The following AK5 variants were observed in gnomAD, a reference collection of about 807,000 sequenced individuals.
AK5 encodes the protein adenylate kinase 5, also known as adenylate kinase isoenzyme 5.
In AK5, 27 loss-of-function variants were observed where a neutral mutation model predicts 69.5. The ratio of observed to expected loss-of-function variants is 0.39; its 90% CI spans 0.29 to 0.54. The LOEUF (loss-of-function observed/expected upper bound fraction) is 0.54, where lower values mean the gene tolerates loss of function less well. Among genes scored for constraint, AK5 ranks in the 20% least tolerant of loss-of-function variants. The pLI, the probability that AK5 is intolerant of heterozygous loss-of-function variation, is 0.71. For synonymous variants in AK5, 260 were observed against 244.4 expected (o/e 1.06, Z -0.60); for missense variants, 531 against 700.4 (o/e 0.76, Z 2.73).
intron 10 of AK5, among the ~76,000 whole-genome samples, chr1:77,492,533 A>G (rs919111172): frequency 3.3e-5 from 5 of 152,208 alleles, no homozygotes; most frequent in Non-Finnish European, 5.9e-5. Flanking sequence ...GAGCACATAC[A>G]TAGGACAGAG....
chr1:77,456,773 T>TTCTCACCTGCCCC (rs1653510389), intron 8 of AK5, among the ~76,000 whole-genome samples: 1 of 152,186 alleles, frequency 6.6e-6, no homozygotes. Flanking sequence ...AAGCCTGCTC[T>TTCTCACCTGCCCC]TCTCACCTGC....
intron 11 of AK5, 130 bp from the exon 12 acceptor site, chr1:77,521,697 T>C: frequency 1.6e-6 from 1 of 627,952 alleles, no homozygotes; most frequent in Non-Finnish European, 2.9e-6. Flanking sequence ...TGAAATATGG[T>C]CAATTGCTGT....
At chr1:77,376,865 T>C (rs1570467831) in intron 6 of AK5, among the ~76,000 whole-genome samples, 1 of 152,222 alleles carries the variant, frequency 6.6e-6, no homozygotes, top group Admixed American at 6.5e-5. Context: ...GAGGCTGCAG[T>C]GAGCCAAGAT....
intron 5 of AK5, among the ~76,000 whole-genome samples, chr1:77,329,594 T>C (rs1246606774): frequency 6.6e-6 from 1 of 152,218 alleles, no homozygotes; most frequent in African/African-American, 2.4e-5. Context: ...TTCTAGAGGA[T>C]GCCTGAACAA....
At chr1:77,367,006 G>C (rs1646961996) in intron 6 of AK5, among the ~76,000 whole-genome samples, 1 of 152,036 alleles carries the variant, frequency 6.6e-6, no homozygotes, top group Non-Finnish European at 1.5e-5. Flanking sequence ...AAATGCCAAG[G>C]CTCTGAAGCT....
intron 8 of AK5, among the ~76,000 whole-genome samples, chr1:77,450,504 T>C (rs901388290): frequency 6.6e-6 from 1 of 152,184 alleles, no homozygotes; most frequent in Admixed American, 6.5e-5. Flanking sequence ...ATTAAGTGCC[T>C]ATCCTGTGCC....
intron 8 of AK5, among the ~76,000 whole-genome samples, chr1:77,438,313 A>G (rs868762052): frequency 2.4e-4 from 35 of 146,618 alleles, no homozygotes; most frequent in Non-Finnish European, 3.9e-4. Flanking sequence ...AAAAAAAAAA[A>G]AAAAAAAAAA....
chr1:77,283,344 T>C, intron 1 of AK5: 2 of 985,436 alleles, frequency 2.0e-6, no homozygotes, highest in Non-Finnish European at 1.2e-6. Context: ...AAGCGAGCTC[T>C]GAAAGGAGAA....
At chr1:77,298,206 T>C (rs1276057210) in intron 5 of AK5, among the ~76,000 whole-genome samples, 1 of 152,068 alleles carries the variant, frequency 6.6e-6, no homozygotes, top group Non-Finnish European at 1.5e-5. Flanking sequence ...CTAAAATTTA[T>C]TTCAAAATAC....
chr1:77,318,412 T>C (rs545337731), intron 5 of AK5, among the ~76,000 whole-genome samples: 5 of 152,240 alleles, frequency 3.3e-5, no homozygotes, highest in Admixed American at 6.5e-5. Context: ...TTCTCCAACA[T>C]TGGAGATTAA....
At chr1:77,353,392 C>T (rs886282438) in intron 6 of AK5, among the ~76,000 whole-genome samples, 10 of 152,120 alleles carry the variant, frequency 6.6e-5, no homozygotes, top group African/African-American at 2.2e-4. Flanking sequence ...GCAGGAGAAT[C>T]GCTTGAACCC....
rs1557532470 is a variant in AK5 at position 77,367,556 on chromosome 1, T to TATATATATG, written c.891+26988_891+26989insATATATATG. On this transcript the variant is annotated intron_variant, in intron 6 of 13. Coordinates refer to ENST00000354567, the MANE Select transcript of AK5 (RefSeq NM_174858.3). ...GTTGCCCAGACTCATTTATGTTATT[T>TATATATATG]TTATATATATATATATATATATAAT... Among the ~76,000 whole-genome samples the TATATATATG allele has an allele frequency of 1.2e-3, 32 of 26,790 alleles. 8 individuals carry two copies. Among genetic ancestry groups the TATATATATG allele is most frequent in the Non-Finnish European group, 2.3e-3 (31 of 13,492 alleles). 17.6% of individuals were successfully genotyped at this position (26,790 alleles called of 152,430 possible). A position where few individuals can be genotyped will look rare whatever the true frequency, so the allele number is the denominator to read the frequency against.
intron 8 of AK5, among the ~76,000 whole-genome samples, chr1:77,418,210 G>A (rs192066083): frequency 9.2e-5 from 14 of 152,302 alleles, no homozygotes; most frequent in Admixed American, 8.5e-4. Context: ...AATCATGGCA[G>A]AAGACAAGGA....
intron 5 of AK5, among the ~76,000 whole-genome samples, chr1:77,320,966 A>G (rs1660499184): frequency 6.6e-6 from 1 of 152,240 alleles, no homozygotes; most frequent in Non-Finnish European, 1.5e-5. Context: ...GAAATAAAGG[A>G]AGAAATAGAC....
At chr1:77,551,331 T>G (rs1659813376) in intron 13 of AK5, among the ~76,000 whole-genome samples, 1 of 152,096 alleles carries the variant, frequency 6.6e-6, no homozygotes, top group Non-Finnish European at 1.5e-5. Context: ...CCCAGATAAC[T>G]TCACAGAGTT....
In AK5 at chr1:77,532,786, C is replaced by T. The variant is rs78448086; in HGVS notation, c.1429-3061C>T. On this transcript the variant is annotated intron_variant, in intron 12 of 13. Transcript: ENST00000354567. ...TCCGGTGAGGCTGGTGCCAGAGCCC[C>T]AGGGTGCCAGCAGGGTGATGTTGGG... Among the ~76,000 whole-genome samples, 825 of 152,260 alleles carry T rather than the reference C, an allele frequency of 5.4e-3. 9 individuals carry two copies. The highest frequency in any genetic ancestry group is 0.018 in the African/African-American group (761 of 41,538).
rs1447205009 is a variant in AK5, at chr1:77,367,741, A to G, written c.891+27173A>G. Reference sequence around the variant, plus strand: ...ATATAATATATGTTATATATACGTTATATGTTATATATGTTATATATAATA... The same window carrying G: ...ATATAATATATGTTATATATACGTTGTATGTTATATATGTTATATATAATA... On this transcript the variant is annotated intron_variant, in intron 6 of 13. Coordinates refer to ENST00000354567, the MANE Select transcript of AK5 (RefSeq NM_174858.3). Among the ~76,000 whole-genome samples, 10 of 28,482 alleles carry G rather than the reference A, an allele frequency of 3.5e-4. 1 individual carries two copies. Among genetic ancestry groups the G allele is most frequent in the Non-Finnish European group, 6.6e-4 (10 of 15,188 alleles). 18.7% of individuals were successfully genotyped at this position (28,482 alleles called of 152,430 possible).
intron 6 of AK5, among the ~76,000 whole-genome samples, chr1:77,389,511 A>C (rs1384363146): frequency 6.6e-6 from 1 of 152,234 alleles, no homozygotes; most frequent in Non-Finnish European, 1.5e-5. Context: ...GAGGAGGAGA[A>C]GATGACTGCA....
intron 5 of AK5, among the ~76,000 whole-genome samples, chr1:77,327,820 G>A (rs1660883138): frequency 6.6e-6 from 1 of 152,074 alleles, no homozygotes; most frequent in South Asian, 2.1e-4. Context: ...TTCATAAAGG[G>A]CACATAATTA....
Sources: allele counts gnomAD v4.1 joint callset (sites outside exome capture counted in the v4.1 genomes callset), GRCh38; gene constraint gnomAD v4.1.1; transcripts MANE v1.5; gene names NCBI Gene and HGNC (gene_info 2026-07-23, HGNC 2026-07-21).